The following POC1A variants were observed in gnomAD, a reference collection of about 807,000 sequenced individuals.
The protein encoded by POC1A is POC1 centriolar protein homolog A.
Under a neutral mutation model 47.8 loss-of-function variants are expected in POC1A, and 34 were observed. The observed-to-expected ratio is 0.71, with a 90% CI of 0.54 to 0.95. POC1A has a LOEUF of 0.95. POC1A is among the 40% of genes least tolerant of loss of function. The pLI is 0.00. For synonymous variants in POC1A, 177 were observed against 207.6 expected, an observed-to-expected ratio of 0.85 and a Z score of 1.27; for missense variants, 466 against 528.3, an observed-to-expected ratio of 0.88 and a Z score of 1.16.
At chr3:52,111,956 A>T (rs972042343) in intron 9 of POC1A, among the ~76,000 whole-genome samples, 8 of 152,218 alleles carry the variant, frequency 5.3e-5, no homozygotes, top group African/African-American at 1.9e-4. Context: ...CAGGAGTACT[A>T]AGGGGCAGGA....
intron 9 of POC1A, among the ~76,000 whole-genome samples, chr3:52,101,348 G>A (rs1242417890): frequency 3.3e-5 from 5 of 150,896 alleles, no homozygotes; most frequent in Middle Eastern, 3.2e-3. Context: ...TCCTAAGCAT[G>A]ATGCCTGGCA....
chr3:52,107,303 G>C (rs185132861), intron 9 of POC1A, among the ~76,000 whole-genome samples: 13 of 152,192 alleles, frequency 8.5e-5, no homozygotes, highest in Non-Finnish European at 1.3e-4. Context: ...GAACACAGAG[G>C]GGGAGGACTG....
chr3:52,114,375 A>G (rs566676309), intron 9 of POC1A, among the ~76,000 whole-genome samples: 88 of 152,360 alleles, frequency 5.8e-4, no homozygotes, highest in Admixed American at 1.8e-3. Flanking sequence ...GGGGGATTAC[A>G]TGAATGAGTA....
intron 9 of POC1A, among the ~76,000 whole-genome samples, chr3:52,106,180 C>CAAA (rs11350232): frequency 1.6e-3 from 117 of 73,442 alleles, no homozygotes; most frequent in Middle Eastern, 6.9e-3. Context: ...GACTACGTCT[C>CAAA]AAAAAAAAAA....
At chr3:52,112,730 A>G (rs1291828663) in intron 9 of POC1A, among the ~76,000 whole-genome samples, 4 of 152,204 alleles carry the variant, frequency 2.6e-5, no homozygotes, top group African/African-American at 9.7e-5. Flanking sequence ...AGCAGACTAC[A>G]GTGGGCTGCG....
At chr3:52,143,193 A>G (rs748284673) in intron 6 of POC1A, among the ~76,000 whole-genome samples, 1 of 152,060 alleles carries the variant, frequency 6.6e-6, no homozygotes, top group Non-Finnish European at 1.5e-5. Context: ...CAAGGCCAGA[A>G]GCACAAGCAG....
At chr3:52,140,839 C>CA (rs1559847679) in intron 6 of POC1A, among the ~76,000 whole-genome samples, 1 of 148,956 alleles carries the variant, frequency 6.7e-6, no homozygotes, top group East Asian at 2.3e-4. Context: ...GAGGCCTCAT[C>CA]GTAAGAACCA....
intron 6 of POC1A, among the ~76,000 whole-genome samples, chr3:52,142,405 T>G (rs1453392708): frequency 6.6e-6 from 1 of 152,168 alleles, no homozygotes; most frequent in East Asian, 1.9e-4. Flanking sequence ...AAGAAACTCC[T>G]TACCTAGGAG....
intron 9 of POC1A, among the ~76,000 whole-genome samples, chr3:52,103,352 C>T (rs561251084): frequency 6.6e-6 from 1 of 152,222 alleles, no homozygotes; most frequent in Admixed American, 6.6e-5. Flanking sequence ...AATGGCAACA[C>T]CACGTCTCTA....
Position 52,149,292 on chromosome 3 carries a change from TGTC to T in POC1A, c.370_372del (p.Asp124del). ...TGAGTTGCCCACACTTTGACTGTCTTGTCGTCAGAGGCTGTCACGAAGGACTGG... is the reference window on the plus strand; with the variant it reads ...TGAGTTGCCCACACTTTGACTGTCTTGTCAGAGGCTGTCACGAAGGACTGG... On this transcript the variant is annotated inframe_deletion, in exon 4 of 11. Coordinates refer to ENST00000296484, the MANE Select transcript of POC1A (RefSeq NM_015426.5). The T allele has an allele frequency of 6.2e-7, 1 of 1,614,202 alleles. No homozygotes were observed. The highest frequency in any genetic ancestry group is 8.5e-7 in the Non-Finnish European group (1 of 1,180,012).
chr3:52,111,598 A>G (rs1270748261), intron 9 of POC1A, among the ~76,000 whole-genome samples: 1 of 149,006 alleles, frequency 6.7e-6, no homozygotes, highest in African/African-American at 2.5e-5. Context: ...GTAAGCCGAG[A>G]TCGCGCTATT....
intron 6 of POC1A, among the ~76,000 whole-genome samples, chr3:52,139,083 C>G (rs888780579): frequency 6.6e-6 from 1 of 152,168 alleles, no homozygotes; most frequent in East Asian, 1.9e-4. Context: ...CCACCTGCCT[C>G]GGCCTCTCAA....
At chr3:52,077,048 C>T (rs1577783134) in intron 10 of POC1A, among the ~76,000 whole-genome samples, 1 of 152,400 alleles carries the variant, frequency 6.6e-6, no homozygotes, top group Admixed American at 6.5e-5. Context: ...CCACTCATCA[C>T]TTGCGCGGGT....
intron 10 of POC1A, among the ~76,000 whole-genome samples, chr3:52,095,538 T>G (rs1191452690): frequency 6.6e-6 from 1 of 151,860 alleles, no homozygotes; most frequent in Non-Finnish European, 1.5e-5. Flanking sequence ...CCCCACCCCC[T>G]GGCTTTAACA....
chr3:52,120,051 G>A (rs1203503229), intron 9 of POC1A, among the ~76,000 whole-genome samples: 1 of 152,200 alleles, frequency 6.6e-6, no homozygotes, highest in Non-Finnish European at 1.5e-5. Flanking sequence ...TGGGCAAGAA[G>A]GGCGAGAGCA....
intron 9 of POC1A, among the ~76,000 whole-genome samples, chr3:52,116,470 T>C (rs1263221276): frequency 6.6e-6 from 1 of 152,128 alleles, no homozygotes; most frequent in African/African-American, 2.4e-5. Context: ...TCCTGAGGAA[T>C]CCTGTGGCAG....
chr3:52,132,158 G>A (rs1271991720), intron 7 of POC1A, among the ~76,000 whole-genome samples: 1 of 152,182 alleles, frequency 6.6e-6, no homozygotes, highest in African/African-American at 2.4e-5. Flanking sequence ...TGGGATGTCA[G>A]TCTCACAGAT....
At chr3:52,144,479 G>C (rs1315577858) in intron 6 of POC1A, among the ~76,000 whole-genome samples, 1 of 152,150 alleles carries the variant, frequency 6.6e-6, no homozygotes, top group Non-Finnish European at 1.5e-5. Flanking sequence ...TGGTGCTGTA[G>C]GGTACTACAG....
chr3:52,150,985 C>T, intron 2 of POC1A, 31 bp downstream of exon 2: 2 of 1,609,666 alleles, frequency 1.2e-6, no homozygotes, highest in African/African-American at 2.7e-5. Flanking sequence ...CAGCTCATAA[C>T]CTAGCACCTA....
Sources: allele counts gnomAD v4.1 joint callset (sites outside exome capture counted in the v4.1 genomes callset), GRCh38; gene constraint gnomAD v4.1.1; transcripts MANE v1.5; gene names NCBI Gene and HGNC (gene_info 2026-07-23, HGNC 2026-07-21).